HIP1: variants seen among roughly 807,000 people sequenced by gnomAD.
HIP1 encodes the protein huntingtin interacting protein 1.
Under a neutral mutation model 147.6 loss-of-function variants are expected in HIP1, and 65 were observed. The observed-to-expected ratio is 0.44, with a 90% CI of 0.36 to 0.54. The LOEUF is 0.54. HIP1 is among the 20% of genes least tolerant of loss of function. The probability of loss-of-function intolerance (pLI) is 0.00; values close to 1 mark genes in which losing one functional copy is unlikely to be tolerated. For missense variants in HIP1, 1,061 were observed against 1,299.6 expected, an observed-to-expected ratio of 0.82 and a Z score of 2.82; for synonymous variants, 479 against 504.0, an observed-to-expected ratio of 0.95 and a Z score of 0.67.
intron 2 of HIP1, among the ~76,000 whole-genome samples, chr7:75,595,194 TTCTTTC>T (rs1796648609): frequency 4.6e-5 from 2 of 43,672 alleles, no homozygotes; most frequent in African/African-American, 1.7e-4. Context: ...AGTCCTTTCT[TTCTTTC>T]TTTCTTTCTT....
chr7:75,590,649 C>A (rs1222207235), intron 4 of HIP1, among the ~76,000 whole-genome samples: 1 of 152,128 alleles, frequency 6.6e-6, no homozygotes, highest in African/African-American at 2.4e-5. Flanking sequence ...CAAAATCCAA[C>A]CAAATGTTAT....
intron 5 of HIP1, among the ~76,000 whole-genome samples, chr7:75,583,800 G>A (rs1554499077): frequency 1.4e-5 from 2 of 143,964 alleles, no homozygotes; most frequent in African/African-American, 5.3e-5. Flanking sequence ...GTGTGTGTGT[G>A]TGTGTTTAGT....
At chr7:75,545,059 G>A in intron 26 of HIP1, 29 bp downstream of exon 26, 1 of 1,344,548 alleles carries the variant, frequency 7.4e-7, no homozygotes, top group Non-Finnish European at 1.1e-6. Flanking sequence ...GGGGTCATGG[G>A]AGGACCCTTG....
rs587672443 is a variant in HIP1, at chr7:75,616,606, G to A, written c.121-17359C>T. Among the ~76,000 whole-genome samples, 9 of 99,818 alleles carry A rather than the reference G, an allele frequency of 9.0e-5. No individual in the cohort carries two copies. The Admixed American group carries it at 9.6e-4, about 11-fold the overall frequency. The allele number at this position is 99,818 out of a possible 152,430, so 65.5% of individuals were successfully genotyped here. On this transcript the variant is annotated intron_variant, in intron 1 of 30. Transcript: ENST00000336926. ...GTGGGGAGGAGGAGGAGGAGGAGGA[G>A]GAGGAGGAAGAGGAGGAGGACGAGG...
chr7:75,605,462 C>G (rs1374516406), intron 1 of HIP1, among the ~76,000 whole-genome samples: 1 of 152,120 alleles, frequency 6.6e-6, no homozygotes, highest in Non-Finnish European at 1.5e-5. Flanking sequence ...GGGGAATGGG[C>G]CAGCAGTGGC....
intron 1 of HIP1, among the ~76,000 whole-genome samples, chr7:75,682,438 T>C (rs1334447050): frequency 3.3e-5 from 5 of 151,678 alleles, no homozygotes; most frequent in African/African-American, 1.2e-4. Flanking sequence ...TTTTTTTTTT[T>C]TTCTAAAGGT....
chr7:75,609,311 C>T (rs1293762116), intron 1 of HIP1, among the ~76,000 whole-genome samples: 3 of 152,162 alleles, frequency 2.0e-5, no homozygotes, highest in Non-Finnish European at 4.4e-5. Context: ...TGTGGCAAGG[C>T]TTCTTGGGGG....
rs1355668024 is a variant in HIP1, at chr7:75,533,357, A to G, written c.*4815T>C. On this transcript the variant is annotated 3_prime_UTR_variant, in exon 31 of 31. Coordinates refer to ENST00000336926, the MANE Select transcript of HIP1 (RefSeq NM_005338.7). Reference sequence around the variant, plus strand: ...AACACAGATGCAATGTATTATACAAAGAAAGGTCTTAATACCATAATAAAA... The same window carrying G: ...AACACAGATGCAATGTATTATACAAGGAAAGGTCTTAATACCATAATAAAA... 4.5e-6 allele frequency: 1 copy of G among 222,496 alleles called. No individual in the cohort carries two copies. The highest frequency in any genetic ancestry group is 9.0e-6 in the Non-Finnish European group (1 of 111,422). 13.8% of individuals were successfully genotyped at this position (222,496 alleles called of 1,614,324 possible).
rs1563278363 is a variant in HIP1, at chr7:75,664,015, T to TATAC, written c.121-64769_121-64768insGTAT. ...ATATACACATATATGTGTATATATATACACATATATGTGTATATATATACA... is the reference window on the plus strand; with the variant it reads ...ATATACACATATATGTGTATATATATATACACACATATATGTGTATATATATACA... On this transcript the variant is annotated intron_variant, in intron 1 of 30. Coordinates refer to ENST00000336926, the MANE Select transcript of HIP1 (RefSeq NM_005338.7). Among the ~76,000 whole-genome samples, 2 of 23,952 alleles carry TATAC rather than the reference T, an allele frequency of 8.4e-5. 1 individual carries two copies. The highest frequency in any genetic ancestry group is 1.8e-3 in the East Asian group (2 of 1,084). 15.7% of individuals were successfully genotyped at this position (23,952 alleles called of 152,430 possible).
At chr7:75,633,738 C>T (rs1479713178) in intron 1 of HIP1, among the ~76,000 whole-genome samples, 1 of 152,178 alleles carries the variant, frequency 6.6e-6, no homozygotes, top group Non-Finnish European at 1.5e-5. Flanking sequence ...GGGCATTTAA[C>T]TTCTACCACA....
At chr7:75,548,360 AT>A (rs1313865579) in intron 23 of HIP1, among the ~76,000 whole-genome samples, 3 of 151,978 alleles carry the variant, frequency 2.0e-5, no homozygotes, top group African/African-American at 7.2e-5. Flanking sequence ...AAAGTATCTG[AT>A]TCTTGAGGAA....
chr7:75,575,115 A>T (rs1795798496), intron 7 of HIP1, among the ~76,000 whole-genome samples: 1 of 151,076 alleles, frequency 6.6e-6, no homozygotes, highest in South Asian at 2.1e-4. Flanking sequence ...CCAAGATCCC[A>T]CCACTGCACT....
chr7:75,587,730 G>A (rs975763578), intron 4 of HIP1, among the ~76,000 whole-genome samples: 3 of 152,180 alleles, frequency 2.0e-5, no homozygotes, highest in South Asian at 2.1e-4. Context: ...TTGGGAGGCC[G>A]AGGAGGGAGG....
chr7:75,660,348 A>G lies in HIP1; in HGVS notation c.121-61101T>C, dbSNP rs995031732. Among the ~76,000 whole-genome samples, 4 of 149,896 alleles carry G rather than the reference A, an allele frequency of 2.7e-5. 1 individual carries two copies. The highest frequency in any genetic ancestry group is 7.4e-5 in the African/African-American group (3 of 40,814). ...TTGAGACCAGCCTGGCCAACATGGC[A>G]AAAGCCCGTTTCTACTAACAATACA... On this transcript the variant is annotated intron_variant, in intron 1 of 30. Transcript: ENST00000336926.
chr7:75,599,514 C>A (rs1181278235), intron 1 of HIP1, among the ~76,000 whole-genome samples: 1 of 152,212 alleles, frequency 6.6e-6, no homozygotes, highest in Non-Finnish European at 1.5e-5. Context: ...GCCACTCACT[C>A]CCTTGGCACA....
At chr7:75,645,884 A>C (rs1172010334) in intron 1 of HIP1, among the ~76,000 whole-genome samples, 7 of 152,194 alleles carry the variant, frequency 4.6e-5, no homozygotes, top group African/African-American at 1.7e-4. Context: ...GTGGGAGCTC[A>C]ACATTGGGTG....
chr7:75,603,787 C>T (rs587650984), intron 1 of HIP1, among the ~76,000 whole-genome samples: 3 of 151,664 alleles, frequency 2.0e-5, no homozygotes, highest in Admixed American at 6.6e-5. Context: ...GTGGGAGGAT[C>T]GCTTAAGCCC....
At position 75,539,237 on chromosome 7, in the gene HIP1, G is replaced by A; in HGVS notation, c.3061+86C>T. On this transcript the variant is annotated intron_variant, in intron 30 of 30. Coordinates refer to ENST00000336926, the MANE Select transcript of HIP1 (RefSeq NM_005338.7). Reference sequence around the variant, plus strand: ...AAGCCACCGATCTGGTGGGTTCCTTGTTCTGTTCCATTCTAGGGGAAGGCC... The same window carrying A: ...AAGCCACCGATCTGGTGGGTTCCTTATTCTGTTCCATTCTAGGGGAAGGCC... 4 of 933,274 alleles carry A rather than the reference G, an allele frequency of 4.3e-6. No individual in the cohort carries two copies. In the South Asian group the frequency reaches 5.4e-5, roughly 13 times the overall value. The allele number at this position is 933,274 out of a possible 1,614,324, so 57.8% of individuals were successfully genotyped here.
At chr7:75,648,932 C>G (rs1470692838) in intron 1 of HIP1, among the ~76,000 whole-genome samples, 1 of 152,090 alleles carries the variant, frequency 6.6e-6, no homozygotes, top group Non-Finnish European at 1.5e-5. Context: ...ATAGTGAGAC[C>G]TGGTCTCACT....
Sources: gnomAD v4.1 joint callset for allele counts (sites outside exome capture counted in the v4.1 genomes callset) on GRCh38, gnomAD v4.1.1 for gene constraint, MANE v1.5 for transcripts, NCBI Gene and HGNC (gene_info 2026-07-23, HGNC 2026-07-21) for gene names.